SH3D21: variants seen among roughly 807,000 people sequenced by gnomAD.
SH3D21 encodes SH3 domain-containing protein 21.
A neutral mutation model predicts 82.1 loss-of-function variants in SH3D21; 83 were observed. The observed-to-expected ratio is 1.01, with a 90% confidence interval of 0.85 to 1.21. SH3D21 has a LOEUF of 1.21. Among genes scored for constraint, SH3D21 ranks in the 50% most tolerant of loss-of-function variants. The probability of loss-of-function intolerance (pLI) is 0.00; values close to 1 mark genes in which losing one functional copy is unlikely to be tolerated. For synonymous variants in SH3D21, 383 were observed against 387.8 expected (o/e 0.99, Z 0.15); for missense variants, 980 against 962.1 (o/e 1.02, Z -0.25).
chr1:36,321,293 T>A lies in SH3D21; in HGVS notation c.*166T>A. ...GGGGGCAGGGCCTGGGCCTCCGCAT[T>A]CCTGACGGTCCCTCCCAGGCACATC... On this transcript the variant is annotated 3_prime_UTR_variant, in exon 16 of 16. Transcript: ENST00000453908. This position sits in a 1 kb window ranked among gnomAD's most constrained non-coding sequence, Gnocchi z 6.1. 6.9e-7 allele frequency: 1 copy of A among 1,441,498 alleles called. No homozygotes were observed. The highest frequency in any genetic ancestry group is 1.5e-5 in the South Asian group (1 of 68,314). 89.3% of individuals were successfully genotyped at this position (1,441,498 alleles called of 1,614,324 possible). A position where few individuals can be genotyped will look rare whatever the true frequency, so the allele number is the denominator to read the frequency against.
intron 12 of SH3D21, 24 bp from the exon 13 acceptor site, chr1:36,319,418 G>A: frequency 6.4e-7 from 1 of 1,551,438 alleles, no homozygotes; most frequent in South Asian, 1.2e-5. Flanking sequence ...GTAGGCTTGG[G>A]TCCCTGAGGT....
Position 36,307,394 on chromosome 1 carries a change from A to G in SH3D21, c.345+109A>G. 6.6e-7 allele frequency: 1 copy of G among 1,513,556 alleles called. No individual in the cohort carries two copies. The highest frequency in any genetic ancestry group is 8.9e-7 in the Non-Finnish European group (1 of 1,118,096). 93.8% of individuals were successfully genotyped at this position (1,513,556 alleles called of 1,614,324 possible). Reference sequence around the variant, plus strand: ...GACGGTGGGAATGGCGACGGTGCAGATACGGGGAAGCGCGGGAGGGAAGGA... The same window carrying G: ...GACGGTGGGAATGGCGACGGTGCAGGTACGGGGAAGCGCGGGAGGGAAGGA... On this transcript the variant is annotated intron_variant, in intron 4 of 15. Transcript: ENST00000453908. The surrounding 1 kb of genome is among the most constrained non-coding windows in gnomAD (Gnocchi z 5.4).
downstream of SH3D21, among the ~76,000 whole-genome samples, chr1:36,327,209 A>G (rs1158847189): frequency 6.6e-6 from 1 of 152,188 alleles, no homozygotes; most frequent in Non-Finnish European, 1.5e-5. Context: ...GCCTTGGCCG[A>G]GATTTGAAGA....
At chr1:36,311,575 T>C (rs143246226) in intron 10 of SH3D21, among the ~76,000 whole-genome samples, 1 of 152,224 alleles carries the variant, frequency 6.6e-6, no homozygotes, top group African/African-American at 2.4e-5. Flanking sequence ...ATATTAGTGC[T>C]TTTATTCATG....
rs978203176 is a variant in SH3D21 at position 36,321,257 on chromosome 1, GGGGCCTGCGCGGGGGCA to G, written c.*138_*154del. On this transcript the variant is annotated 3_prime_UTR_variant, in exon 16 of 16. Coordinates refer to ENST00000453908, the MANE Select transcript of SH3D21 (RefSeq NM_001162530.2). The surrounding 1 kb of genome is among the most constrained non-coding windows in gnomAD (Gnocchi z 6.1). ...CCACGCCGGTCTGGTCGCTGGGGGC[GGGGCCTGCGCGGGGGCA>G]GGGCCTGGGCCTCCGCATTCCTGAC... 1 of 1,467,766 alleles carries G rather than the reference GGGGCCTGCGCGGGGGCA, an allele frequency of 6.8e-7. No homozygotes were observed. The highest frequency in any genetic ancestry group is 1.4e-5 in the African/African-American group (1 of 70,936). The allele number at this position is 1,467,766 out of a possible 1,614,324, so 90.9% of individuals were successfully genotyped here.
chr1:36,313,418 T>A (rs540218511), intron 10 of SH3D21, among the ~76,000 whole-genome samples: 28 of 152,158 alleles, frequency 1.8e-4, no homozygotes, highest in African/African-American at 6.3e-4. Context: ...CTTGCCATAT[T>A]TTTTTTCATT....
In SH3D21 at chr1:36,318,363, CAGAG is replaced by C. The variant is rs376788245; in HGVS notation, c.770-705_770-702del. ...GGGAAGTCAGATATGAGTCTGGAGT[CAGAG>C]AGGAAGGAGCTAGAGATGAAAATTT... On this transcript the variant is annotated intron_variant, in intron 10 of 15. Coordinates refer to ENST00000453908, the MANE Select transcript of SH3D21 (RefSeq NM_001162530.2). Among the ~76,000 whole-genome samples, 283 of 152,078 alleles carry C rather than the reference CAGAG, an allele frequency of 1.9e-3. 4 individuals are homozygous for C. The highest frequency in any genetic ancestry group is 4.6e-3 in the South Asian group (22 of 4,812).
chr1:36,323,575 C>T (rs998072675), downstream of SH3D21: 5 of 152,190 alleles, frequency 3.3e-5, no homozygotes, highest in African/African-American at 1.2e-4. Context: ...GCTGGGCTCC[C>T]AGGCCGCGGC....
chr1:36,328,856 G>A (rs1042489241), downstream of SH3D21: 1 of 152,714 alleles, frequency 6.5e-6, no homozygotes, highest in Non-Finnish European at 1.5e-5. Flanking sequence ...TCTGCCAAAT[G>A]CTATGCACAC....
Position 36,319,162 on chromosome 1 carries a change from C to T in SH3D21, c.861C>T (p.Ala287=), listed in dbSNP as rs1646397757. The change falls in exon 11 of 16, where the codon GCC becomes GCT. Residue 287 remains alanine, a splice_region_variant and synonymous_variant. Transcript: ENST00000453908. ...CAGCCACCACTGGGCCCAGCAAAGC[C>T]AAGTAAGGAGCAGGATGGGGTTGGG... ...LATATTGPSK[A]KTSRTPSRDS... is the part of the protein sequence containing the mutation. 6.4e-7 allele frequency: 1 copy of T among 1,551,362 alleles called. No individual in the cohort carries two copies. Among genetic ancestry groups the T allele is most frequent in the Non-Finnish European group, 8.7e-7 (1 of 1,146,692 alleles).
intron 10 of SH3D21, 68 bp from the exon 11 acceptor site, chr1:36,319,003 C>T (rs1646394246): frequency 2.1e-6 from 2 of 935,476 alleles, no homozygotes; most frequent in Non-Finnish European, 3.4e-6. Flanking sequence ...CCCATAGTCC[C>T]CTGCACACAG....
chr1:36,309,628 C>T, intron 10 of SH3D21, 38 bp downstream of exon 10: 3 of 1,550,212 alleles, frequency 1.9e-6, no homozygotes, highest in Non-Finnish European at 8.7e-7. Context: ...GGGGTGTTCT[C>T]TGGGAGACCC....
At position 36,309,616 on chromosome 1, in the gene SH3D21, G is replaced by T. The variant is rs762191150; in HGVS notation, c.769+26G>T. The T allele has an allele frequency of 5.2e-6, 8 of 1,548,694 alleles. No homozygotes were observed. The African/African-American group carries it at 1.1e-4, about 22-fold the overall frequency. ...GTGAGTGCCCGGGGAGCCTGGGATT[G>T]GGGGGTGTTCTCTGGGAGACCCACC... On this transcript the variant is annotated intron_variant, in intron 10 of 15. Coordinates refer to ENST00000453908, the MANE Select transcript of SH3D21 (RefSeq NM_001162530.2).
At chr1:36,327,092 G>A (rs1304885631), downstream of SH3D21, among the ~76,000 whole-genome samples, 1 of 152,158 alleles carries the variant, frequency 6.6e-6, no homozygotes, top group Non-Finnish European at 1.5e-5. Flanking sequence ...CCCATTGAGG[G>A]GTCTCCTGGA....
chr1:36,306,908 G>T lies in SH3D21; in HGVS notation c.226+3G>T, dbSNP rs1646134687. ...GCCGCGCTGTGCGCGCCGCCGAGGT[G>T]AGCGCAAGGGCGGGGACGGGCGCCG... On this transcript the variant is annotated splice_donor_region_variant and intron_variant, in intron 3 of 15. Transcript: ENST00000453908. The surrounding 1 kb of genome is among the most constrained non-coding windows in gnomAD (Gnocchi z 4.5). The T allele has an allele frequency of 7.6e-7, 1 of 1,323,976 alleles. No individual in the cohort carries two copies. Among genetic ancestry groups the T allele is most frequent in the Non-Finnish European group, 9.9e-7 (1 of 1,014,002 alleles). 82.0% of individuals were successfully genotyped at this position (1,323,976 alleles called of 1,614,324 possible).
At position 36,316,835 on chromosome 1, in the gene SH3D21, C is replaced by T. The variant is rs186449999; in HGVS notation, c.770-2236C>T. Among the ~76,000 whole-genome samples the T allele has an allele frequency of 3.3e-5, 5 of 149,502 alleles. No homozygotes were observed. The East Asian group carries it at 9.9e-4, about 30-fold the overall frequency. Reference sequence around the variant, plus strand: ...GCTGGAGTGCAATGGCGTGATTTGGCTCACTGCAATCTCCGCCTCCCAGGT... The same window carrying T: ...GCTGGAGTGCAATGGCGTGATTTGGTTCACTGCAATCTCCGCCTCCCAGGT... On this transcript the variant is annotated intron_variant, in intron 10 of 15. Coordinates refer to ENST00000453908, the MANE Select transcript of SH3D21 (RefSeq NM_001162530.2).
At chr1:36,317,336 G>A (rs1331758427) in intron 10 of SH3D21, among the ~76,000 whole-genome samples, 1 of 152,192 alleles carries the variant, frequency 6.6e-6, no homozygotes, top group Non-Finnish European at 1.5e-5. Context: ...GTCTGGCTGT[G>A]GGATCCATGC....
At chr1:36,312,353 C>T (rs1646258664) in intron 10 of SH3D21, among the ~76,000 whole-genome samples, 1 of 152,092 alleles carries the variant, frequency 6.6e-6, no homozygotes, top group Admixed American at 6.6e-5. Context: ...AGATTTATTC[C>T]CAGATATTCT....
intron 10 of SH3D21, among the ~76,000 whole-genome samples, chr1:36,316,882 G>A (rs1646354519): frequency 1.3e-5 from 2 of 151,398 alleles, no homozygotes; most frequent in African/African-American, 4.9e-5. Flanking sequence ...TCCTGCCTCA[G>A]CCCCCCACGT....
Sources: gnomAD v4.1 joint callset for allele counts (sites outside exome capture counted in the v4.1 genomes callset) on GRCh38, gnomAD v4.1.1 for gene constraint, Gnocchi (gnomAD v3.1) non-coding constraint, MANE v1.5 for transcripts, NCBI Gene and HGNC (gene_info 2026-07-23, HGNC 2026-07-21) for gene names.